Variants in NCKAP5 observed in about 807,000 individuals in gnomAD.
NCKAP5 encodes the protein nck-associated protein 5.
NCKAP5 carries 92 observed loss-of-function variants against 167.0 expected under a neutral mutation model. That is an observed-to-expected ratio of 0.55 (90% CI 0.47 to 0.66). The LOEUF is 0.66. Among genes scored for constraint, NCKAP5 ranks in the 30% least tolerant of loss-of-function variants. The pLI is 0.00. For synonymous variants in NCKAP5, 891 were observed against 877.4 expected (o/e 1.02, Z -0.27); for missense variants, 2,378 against 2,315.0 (o/e 1.03, Z -0.56).
At position 132,808,410 on chromosome 2, in the gene NCKAP5, A is replaced by C. The variant is rs192361277; in HGVS notation, c.808-11681T>G. ...TCCTGAACTTTTTTTGTTGTTGGTA[A>C]TTTTTAAATTACCAGTTCAATCTCA... On this transcript the variant is annotated intron_variant, in intron 11 of 19. Transcript: ENST00000409261. Among the ~76,000 whole-genome samples, 958 of 151,978 alleles carry C rather than the reference A, an allele frequency of 6.3e-3. 3 individuals carry two copies. The highest frequency in any genetic ancestry group is 9.6e-3 in the Non-Finnish European group (655 of 67,898).
At chr2:133,459,644 G>T (rs1692079479) in intron 3 of NCKAP5, among the ~76,000 whole-genome samples, 2 of 152,078 alleles carry the variant, frequency 1.3e-5, no homozygotes, top group South Asian at 4.1e-4. Context: ...AATATACTGG[G>T]ATCCTCAAAA....
the NCKAP5 span, among the ~76,000 whole-genome samples, chr2:133,580,456 A>G: frequency 2.0e-5 from 3 of 152,254 alleles, no homozygotes; most frequent in South Asian, 6.2e-4. Flanking sequence ...CTCTTTTACC[A>G]TGGAAACTCT....
chr2:132,779,532 G>A (rs1044048168), intron 15 of NCKAP5, among the ~76,000 whole-genome samples: 2 of 151,848 alleles, frequency 1.3e-5, no homozygotes, highest in African/African-American at 4.8e-5. Flanking sequence ...TATAATGCAG[G>A]GGACATCTGT....
intron 16 of NCKAP5, among the ~76,000 whole-genome samples, chr2:132,753,616 C>A (rs1680293790): frequency 6.6e-6 from 1 of 152,168 alleles, no homozygotes; most frequent in Non-Finnish European, 1.5e-5. Context: ...GGTGTACCTT[C>A]CACCTGTAGA....
chr2:133,551,139 G>A (rs1360085314), intron 2 of NCKAP5, among the ~76,000 whole-genome samples: 3 of 152,180 alleles, frequency 2.0e-5, no homozygotes, highest in South Asian at 4.2e-4. Flanking sequence ...TGGGTAGGAA[G>A]AATCAATATC....
At chr2:133,094,084 C>T (rs1052398857) in intron 6 of NCKAP5, among the ~76,000 whole-genome samples, 1 of 152,196 alleles carries the variant, frequency 6.6e-6, no homozygotes, top group Non-Finnish European at 1.5e-5. Context: ...GGGTTTCAGG[C>T]AATGGCTATT....
chr2:133,176,223 G>A (rs1390886037), intron 5 of NCKAP5, among the ~76,000 whole-genome samples: 4 of 152,142 alleles, frequency 2.6e-5, no homozygotes, highest in Non-Finnish European at 5.9e-5. Flanking sequence ...CAAAGTCCCA[G>A]GCGCTCACCA....
In NCKAP5 at chr2:132,745,078, G is replaced by T. The variant is rs528400953; in HGVS notation, c.5129-13027C>A. ...TCTTTATAAACTCCTTTAGAAAACA[G>T]GAGAAGAGCAAACACTTTCCACATC... On this transcript the variant is annotated intron_variant, in intron 16 of 19. Coordinates refer to ENST00000409261, the MANE Select transcript of NCKAP5 (RefSeq NM_207363.3). Among the ~76,000 whole-genome samples the T allele has an allele frequency of 8.2e-4, 124 of 151,800 alleles. 1 individual carries two copies. The South Asian group carries it at 0.016, about 20-fold the overall frequency.
intron 8 of NCKAP5, among the ~76,000 whole-genome samples, chr2:132,886,729 T>C (rs1460041092): frequency 6.6e-6 from 1 of 152,226 alleles, no homozygotes; most frequent in Non-Finnish European, 1.5e-5. Context: ...ATGGCAATGA[T>C]ATTGTGTCCT....
the NCKAP5 span, among the ~76,000 whole-genome samples, chr2:133,634,874 CT>C: frequency 1.5e-3 from 215 of 143,142 alleles, no homozygotes; most frequent in Middle Eastern, 0.011. Flanking sequence ...TCTTTTCTTT[CT>C]TTTTTTTTTT....
intron 4 of NCKAP5, among the ~76,000 whole-genome samples, chr2:133,284,935 C>G (rs910336052): frequency 6.6e-6 from 1 of 152,180 alleles, no homozygotes; most frequent in Non-Finnish European, 1.5e-5. Flanking sequence ...CATGTCCTTA[C>G]GTTATTCATA....
intron 8 of NCKAP5, among the ~76,000 whole-genome samples, chr2:132,907,803 G>A (rs1466867119): frequency 2.0e-5 from 3 of 151,754 alleles, no homozygotes; most frequent in South Asian, 2.1e-4. Flanking sequence ...GACTACAGGC[G>A]CCCACCACCA....
intron 5 of NCKAP5, among the ~76,000 whole-genome samples, chr2:133,192,000 G>A (rs1419652746): frequency 1.3e-5 from 2 of 151,996 alleles, no homozygotes; most frequent in Non-Finnish European, 1.5e-5. Flanking sequence ...TAAAACTAAT[G>A]TGAAAAATGA....
chr2:133,408,075 T>G (rs1688549531), intron 3 of NCKAP5, among the ~76,000 whole-genome samples: 1 of 151,950 alleles, frequency 6.6e-6, no homozygotes, highest in African/African-American at 2.4e-5. Context: ...ACTTCAGTGG[T>G]TTCCCTGGAA....
At chr2:132,978,019 C>A (rs188835779) in intron 7 of NCKAP5, among the ~76,000 whole-genome samples, 36 of 152,044 alleles carry the variant, frequency 2.4e-4, no homozygotes, top group African/African-American at 8.7e-4. Flanking sequence ...AGCTACTTGG[C>A]GAAGACAGCT....
chr2:132,910,423 C>A (rs571978489), intron 8 of NCKAP5, among the ~76,000 whole-genome samples: 5 of 152,316 alleles, frequency 3.3e-5, no homozygotes, highest in African/African-American at 1.2e-4. Flanking sequence ...CCCCAACTAC[C>A]TTTCCCAGCT....
chr2:133,175,067 A>T (rs1292004165), intron 5 of NCKAP5, among the ~76,000 whole-genome samples: 1 of 152,222 alleles, frequency 6.6e-6, no homozygotes, highest in East Asian at 1.9e-4. Context: ...CAGTCTGATA[A>T]GTGAGAAATG....
chr2:133,662,655 G>A, the NCKAP5 span, among the ~76,000 whole-genome samples: 3 of 137,608 alleles, frequency 2.2e-5, no homozygotes, highest in African/African-American at 7.9e-5. Flanking sequence ...TGGCAAAACC[G>A]CAATTACTTT....
chr2:133,464,852 G>C (rs1346107654), intron 3 of NCKAP5, among the ~76,000 whole-genome samples: 1 of 151,868 alleles, frequency 6.6e-6, no homozygotes, highest in Non-Finnish European at 1.5e-5. Flanking sequence ...GAACTTGCAA[G>C]TCAGACACTC....
Sources: allele counts gnomAD v4.1 joint callset (sites outside exome capture counted in the v4.1 genomes callset), GRCh38; gene constraint gnomAD v4.1.1; transcripts MANE v1.5; gene names NCBI Gene and HGNC (gene_info 2026-07-23, HGNC 2026-07-21).